Variants in CHRM3 observed in about 807,000 individuals in gnomAD.
CHRM3 encodes the protein muscarinic acetylcholine receptor M3.
CHRM3 carries 11 observed loss-of-function variants against 41.8 expected under a neutral mutation model. The ratio of observed to expected loss-of-function variants is 0.26; its 90% CI spans 0.17 to 0.44. CHRM3 has a LOEUF of 0.44. CHRM3 is among the 20% of genes least tolerant of loss of function. The pLI is 1.00. For synonymous variants in CHRM3, 297 were observed against 301.4 expected (o/e 0.99, Z 0.15); for missense variants, 571 against 745.4 (o/e 0.77, Z 2.72).
intron 2 of CHRM3, among the ~76,000 whole-genome samples, chr1:239,534,630 G>C (rs1658014083): frequency 6.6e-6 from 1 of 152,170 alleles, no homozygotes; most frequent in African/African-American, 2.4e-5. Context: ...ACAAGTTGTT[G>C]CATGGTGCAA....
rs187290281 is a variant in CHRM3 at position 239,681,690 on chromosome 1, C to T, written c.-147+3402C>T. Among the ~76,000 whole-genome samples, 451 of 152,170 alleles carry T rather than the reference C, an allele frequency of 3.0e-3. 1 individual carries two copies. The highest frequency in any genetic ancestry group is 4.9e-3 in the Non-Finnish European group (334 of 67,998). ...GGGAGATTCAGTTGAGACCAGGAGT[C>T]GAGACCGGCCTGAGCTGAACGTAGT... On this transcript the variant is annotated intron_variant, in intron 5 of 6. Transcript: ENST00000676153.
intron 3 of CHRM3, among the ~76,000 whole-genome samples, chr1:239,556,997 G>A (rs566574931): frequency 3.7e-4 from 56 of 152,236 alleles, no homozygotes; most frequent in African/African-American, 8.4e-4. Flanking sequence ...ATTTTAAATA[G>A]TAACTGGATC....
intron 4 of CHRM3, among the ~76,000 whole-genome samples, chr1:239,675,546 A>T (rs764228661): frequency 4.5e-4 from 68 of 152,140 alleles, no homozygotes; most frequent in Admixed American, 1.4e-3. Context: ...TCTAGGCATT[A>T]TTGCTCATTG....
intron 5 of CHRM3, among the ~76,000 whole-genome samples, chr1:239,819,501 A>C (rs1003268115): frequency 6.6e-6 from 1 of 152,242 alleles, no homozygotes; most frequent in South Asian, 2.1e-4. Flanking sequence ...TGCGTTAAGC[A>C]AAATAGTTCA....
Position 239,685,649 on chromosome 1 carries a change from C to T in CHRM3, c.-147+7361C>T, listed in dbSNP as rs142719623. Among the ~76,000 whole-genome samples the T allele has an allele frequency of 6.0e-3, 910 of 152,100 alleles. 5 individuals carry two copies. The highest frequency in any genetic ancestry group is 0.017 in the Middle Eastern group (5 of 294). ...ACCAGCCTGGCCAACATAGTGAAACCCCATCTGTACTAAAAATACAAAATT... is the reference window on the plus strand; with the variant it reads ...ACCAGCCTGGCCAACATAGTGAAACTCCATCTGTACTAAAAATACAAAATT... On this transcript the variant is annotated intron_variant, in intron 5 of 6. Coordinates refer to ENST00000676153, the MANE Select transcript of CHRM3 (RefSeq NM_001375978.1).
chr1:239,633,498 C>T (rs894285074), intron 4 of CHRM3, among the ~76,000 whole-genome samples: 1 of 152,100 alleles, frequency 6.6e-6, no homozygotes. Flanking sequence ...TATCACTACC[C>T]TCTTCGTTCC....
At chr1:239,541,781 G>A (rs934578878) in intron 2 of CHRM3, among the ~76,000 whole-genome samples, 3 of 152,158 alleles carry the variant, frequency 2.0e-5, no homozygotes, top group African/African-American at 7.2e-5. Flanking sequence ...CCGAAGTGTT[G>A]GGATTACAGG....
intron 6 of CHRM3, among the ~76,000 whole-genome samples, chr1:239,879,331 G>C (rs971370973): frequency 1.3e-5 from 2 of 152,172 alleles, no homozygotes; most frequent in African/African-American, 4.8e-5. Context: ...AGATTCTGCT[G>C]CTGCTGGCCC....
chr1:239,725,008 T>C (rs1558488785), intron 5 of CHRM3, among the ~76,000 whole-genome samples: 1 of 151,908 alleles, frequency 6.6e-6, no homozygotes, highest in Non-Finnish European at 1.5e-5. Flanking sequence ...CTGCTATGCC[T>C]GTGTGCACTC....
chr1:239,851,801 A>G (rs1674718641), intron 6 of CHRM3, among the ~76,000 whole-genome samples: 1 of 152,120 alleles, frequency 6.6e-6, no homozygotes, highest in African/African-American at 2.4e-5. Flanking sequence ...TTAAAAAGGT[A>G]TAGTTTTCTT....
chr1:239,759,192 TTTTTAG>T (rs1558518652), intron 5 of CHRM3, among the ~76,000 whole-genome samples: 1 of 135,564 alleles, frequency 7.4e-6, no homozygotes, highest in African/African-American at 3.2e-5. Context: ...GTTTTTTTTT[TTTTTAG>T]AGAGAGGCTT....
chr1:239,454,303 G>C (rs1664767170), intron 1 of CHRM3, among the ~76,000 whole-genome samples: 1 of 152,064 alleles, frequency 6.6e-6, no homozygotes, highest in African/African-American at 2.4e-5. Flanking sequence ...TTGGACTCCT[G>C]GAAGTGCTTT....
In CHRM3 at chr1:239,747,103, G is replaced by T. The variant is rs528407093; in HGVS notation, c.-147+68815G>T. Among the ~76,000 whole-genome samples the T allele has an allele frequency of 1.2e-4, 18 of 152,078 alleles. No homozygotes were observed. The East Asian group carries it at 2.7e-3, about 23-fold the overall frequency. On this transcript the variant is annotated intron_variant, in intron 5 of 6. Coordinates refer to ENST00000676153, the MANE Select transcript of CHRM3 (RefSeq NM_001375978.1). ...AACGAGATATTTGTCGAAGTTTGAT[G>T]AATAATTAAAGAAATTACAAGAAAA...
chr1:239,851,440 A>G, intron 6 of CHRM3, among the ~76,000 whole-genome samples: 1 of 152,188 alleles, frequency 6.6e-6, no homozygotes, highest in South Asian at 2.1e-4. Context: ...AGGAGCAGGC[A>G]AAACCCTAAA....
chr1:239,551,625 G>A (rs183401804), intron 3 of CHRM3, among the ~76,000 whole-genome samples: 1 of 151,994 alleles, frequency 6.6e-6, no homozygotes, highest in African/African-American at 2.4e-5. Context: ...TGAATTGTGT[G>A]ATTTTAACTG....
chr1:239,536,038 G>A (rs955749474), intron 2 of CHRM3, among the ~76,000 whole-genome samples: 1 of 152,126 alleles, frequency 6.6e-6, no homozygotes, highest in South Asian at 2.1e-4. Context: ...TACTATTTAA[G>A]CCCCTTCATT....
chr1:239,513,836 T>G (rs1284262054), intron 2 of CHRM3, among the ~76,000 whole-genome samples: 2 of 152,170 alleles, frequency 1.3e-5, no homozygotes, highest in African/African-American at 4.8e-5. Flanking sequence ...AGATTTTTTT[T>G]TCTTTTTTGC....
chr1:239,453,482 T>C (rs1192872193), intron 1 of CHRM3, among the ~76,000 whole-genome samples: 1 of 152,210 alleles, frequency 6.6e-6, no homozygotes, highest in Non-Finnish European at 1.5e-5. Context: ...ATGCTGTCAT[T>C]TTAAATACAT....
chr1:239,767,426 C>A (rs1053803559), intron 5 of CHRM3, among the ~76,000 whole-genome samples: 1 of 152,070 alleles, frequency 6.6e-6, no homozygotes, highest in Admixed American at 6.6e-5. Flanking sequence ...CTTCCTATTC[C>A]TCTGTAAGTA....
Sources: gnomAD v4.1 joint callset for allele counts (sites outside exome capture counted in the v4.1 genomes callset) on GRCh38, gnomAD v4.1.1 for gene constraint, MANE v1.5 for transcripts, NCBI Gene and HGNC (gene_info 2026-07-23, HGNC 2026-07-21) for gene names.